The following HSPA12A variants were observed in gnomAD, a reference collection of about 807,000 sequenced individuals.
HSPA12A encodes the protein heat shock protein family A (Hsp70) member 12A.
HSPA12A carries 28 observed loss-of-function variants against 69.2 expected under a neutral mutation model. The ratio of observed to expected loss-of-function variants is 0.40; its 90% confidence interval spans 0.30 to 0.55. The LOEUF (loss-of-function observed/expected upper bound fraction) is 0.55, where lower values mean the gene tolerates loss of function less well. Ranked by LOEUF, HSPA12A falls within the 20% of genes least tolerant of loss-of-function variation. The pLI is 0.38. For synonymous variants in HSPA12A, 345 were observed against 370.5 expected (o/e 0.93, Z 0.79); for missense variants, 686 against 900.7 (o/e 0.76, Z 3.05).
intron 1 of HSPA12A, among the ~76,000 whole-genome samples, chr10:116,712,858 G>A (rs941623017): frequency 7.3e-5 from 11 of 151,574 alleles, no homozygotes; most frequent in Non-Finnish European, 7.4e-5. Flanking sequence ...CAACAATAGT[G>A]ACATTCTAGT....
At chr10:116,712,782 A>G (rs117256197) in intron 1 of HSPA12A, among the ~76,000 whole-genome samples, 2,059 of 151,914 alleles carry the variant, frequency 0.014, 12 homozygotes, top group Non-Finnish European at 0.022. Flanking sequence ...AAAGATGAAG[A>G]CAGAACCATA....
At chr10:116,787,852 A>C (rs1844611211) in intron 2 of HSPA12A, among the ~76,000 whole-genome samples, 1 of 152,088 alleles carries the variant, frequency 6.6e-6, no homozygotes, top group African/African-American at 2.4e-5. Context: ...GTGCGAGTGA[A>C]GCCTCCAAAC....
At chr10:116,706,196 CT>C (rs5788187) in intron 2 of HSPA12A, among the ~76,000 whole-genome samples, 80,374 of 146,296 alleles carry the variant, frequency 0.55, 22,965 homozygotes, top group Middle Eastern at 0.74. Flanking sequence ...CGCCTGGCCT[CT>C]TTTTTTTTTT....
intron 1 of HSPA12A, among the ~76,000 whole-genome samples, chr10:116,726,954 G>A (rs1850985160): frequency 6.6e-6 from 1 of 152,142 alleles, no homozygotes; most frequent in Admixed American, 6.5e-5. Context: ...ATAATTCAGT[G>A]GTTCCAAGAC....
chr10:116,805,517 C>T (rs1478223440), intron 2 of HSPA12A, among the ~76,000 whole-genome samples: 2 of 151,998 alleles, frequency 1.3e-5, no homozygotes, highest in African/African-American at 4.8e-5. Flanking sequence ...CTTAAAATCA[C>T]AACAGATTTC....
chr10:116,677,805 C>T (rs782397159), intron 10 of HSPA12A, among the ~76,000 whole-genome samples: 3 of 152,136 alleles, frequency 2.0e-5, no homozygotes, highest in Non-Finnish European at 4.4e-5. Context: ...TCAGAGCCAA[C>T]GTGAGAAGGC....
chr10:116,734,630 T>G (rs1851255893), intron 1 of HSPA12A, among the ~76,000 whole-genome samples: 1 of 149,494 alleles, frequency 6.7e-6, no homozygotes. Flanking sequence ...CTAAAGGTAG[T>G]TGCATCTACA....
rs562303688 is a variant in HSPA12A, at chr10:116,703,526, C to T, written c.254+1625G>A. Among the ~76,000 whole-genome samples the T allele has an allele frequency of 4.1e-3, 513 of 125,754 alleles. 2 individuals carry two copies. Among genetic ancestry groups the T allele is most frequent in the Non-Finnish European group, 6.3e-3 (376 of 59,270 alleles). 82.5% of individuals were successfully genotyped at this position (125,754 alleles called of 152,430 possible). ...TCCAGCCTGGGCAAAGGAACAAGAG[C>T]CTGTCTCTTAAAAAAAAAAAAATAA... is the stretch of plus-strand genomic sequence containing the variant. On this transcript the variant is annotated intron_variant, in intron 3 of 11. Coordinates refer to ENST00000369209, the MANE Select transcript of HSPA12A (RefSeq NM_025015.3).
intron 10 of HSPA12A, among the ~76,000 whole-genome samples, chr10:116,676,982 G>A (rs966727798): frequency 6.6e-6 from 1 of 152,166 alleles, no homozygotes; most frequent in Non-Finnish European, 1.5e-5. Context: ...GGCCCTCACG[G>A]TCTCTGTCCA....
At chr10:116,685,184 G>T (rs1373200276) in intron 6 of HSPA12A, among the ~76,000 whole-genome samples, 1 of 152,176 alleles carries the variant, frequency 6.6e-6, no homozygotes, top group African/African-American at 2.4e-5. Flanking sequence ...GACCCCTGGG[G>T]TTTAGTGCAT....
chr10:116,813,809 A>G (rs1361120491), intron 2 of HSPA12A, among the ~76,000 whole-genome samples: 1 of 152,034 alleles, frequency 6.6e-6, no homozygotes, highest in Non-Finnish European at 1.5e-5. Context: ...ACTTGACCCC[A>G]GGAGATTAAG....
At chr10:116,680,124 G>A (rs1409297158) in intron 9 of HSPA12A, among the ~76,000 whole-genome samples, 1 of 152,084 alleles carries the variant, frequency 6.6e-6, no homozygotes, top group Admixed American at 6.5e-5. Context: ...CCGAGTAGCT[G>A]AGATACAGGC....
At chr10:116,777,701 C>G (rs1554891289) in intron 2 of HSPA12A, among the ~76,000 whole-genome samples, 1 of 152,228 alleles carries the variant, frequency 6.6e-6, no homozygotes, top group Non-Finnish European at 1.5e-5. Context: ...ATAGTCAGAT[C>G]AGATGCACAA....
chr10:116,682,460 G>GT (rs1383768843), intron 7 of HSPA12A, among the ~76,000 whole-genome samples: 6 of 150,846 alleles, frequency 4.0e-5, no homozygotes, highest in African/African-American at 7.4e-5. Context: ...TAGACTGGGG[G>GT]GGGGGGCCAT....
chr10:116,691,711 GC>G (rs1465857806), intron 6 of HSPA12A, among the ~76,000 whole-genome samples: 1 of 152,224 alleles, frequency 6.6e-6, no homozygotes, highest in Non-Finnish European at 1.5e-5. Flanking sequence ...CGCCCCTAGT[GC>G]CCACAGGGAT....
chr10:116,743,424 C>T (rs2133073875), upstream of HSPA12A, among the ~76,000 whole-genome samples: 1 of 152,350 alleles, frequency 6.6e-6, no homozygotes, highest in Admixed American at 6.5e-5. Flanking sequence ...AGCACCGTCA[C>T]TGGGTCGTTT....
chr10:116,835,130 G>T, intron 1 of HSPA12A: 2 of 571,822 alleles, frequency 3.5e-6, no homozygotes, highest in Non-Finnish European at 5.0e-6. Flanking sequence ...GGCAGCACCC[G>T]GCAGGAGGGA....
At chr10:116,681,011 A>C (rs782179151) in intron 9 of HSPA12A, 141 bp downstream of exon 9, 1 of 589,524 alleles carries the variant, frequency 1.7e-6, no homozygotes, top group African/African-American at 1.8e-5. Flanking sequence ...TTTCAAGCAG[A>C]CATTAGTATC....
Position 116,707,705 on chromosome 10 carries a change from C to T in HSPA12A, c.41-420G>A, listed in dbSNP as rs575048471. Among the ~76,000 whole-genome samples, 4 of 152,324 alleles carry T rather than the reference C, an allele frequency of 2.6e-5. No homozygotes were observed. In the South Asian group the frequency reaches 6.2e-4, roughly 24 times the overall value. On this transcript the variant is annotated intron_variant, in intron 1 of 11. Transcript: ENST00000369209. ...GTGCATTTTCTTGGAAGAGCATCTA[C>T]AGCCCTCGGGTTCCCAAAGGGGTGA...
Sources: gnomAD v4.1 joint callset for allele counts (sites outside exome capture counted in the v4.1 genomes callset) on GRCh38, gnomAD v4.1.1 for gene constraint, MANE v1.5 for transcripts, NCBI Gene and HGNC (gene_info 2026-07-23, HGNC 2026-07-21) for gene names.